PTER: variants seen among roughly 807,000 people sequenced by gnomAD.
PTER encodes the protein N-acetyltaurine hydrolase.
Under a neutral mutation model 29.6 loss-of-function variants are expected in PTER, and 38 were observed. That is an observed-to-expected ratio of 1.28 (90% confidence interval 0.99 to 1.68). The LOEUF (loss-of-function observed/expected upper bound fraction) is 1.68, where lower values mean the gene tolerates loss of function less well. PTER is among the 40% of genes most tolerant of loss of function. PTER has a pLI of 0.00. For missense variants in PTER, 482 were observed against 427.8 expected, an observed-to-expected ratio of 1.13 and a Z score of -1.12; for synonymous variants, 172 against 154.5, an observed-to-expected ratio of 1.11 and a Z score of -0.84.
chr10:16,489,686 A>G (rs1360735523), intron 3 of PTER, among the ~76,000 whole-genome samples: 2 of 152,196 alleles, frequency 1.3e-5, no homozygotes, highest in African/African-American at 4.8e-5. Flanking sequence ...AAACATTTTG[A>G]AATGTACAGT....
At chr10:16,455,469 T>G (rs1834362423) in intron 1 of PTER, among the ~76,000 whole-genome samples, 1 of 152,076 alleles carries the variant, frequency 6.6e-6, no homozygotes, top group South Asian at 2.1e-4. Flanking sequence ...GTCAGGAGGA[T>G]CGTTTGAGCC....
chr10:16,462,277 C>T lies in PTER; in HGVS notation c.-48-22060C>T, dbSNP rs34537006. On this transcript the variant is annotated intron_variant, in intron 1 of 4. Coordinates refer to ENST00000535784, the MANE Select transcript of PTER (RefSeq NM_001261836.2). ...CTGGGATTACAGGTGTGAGCCACCA[C>T]GCCCAGCCTTTTCCTAGGACTTTAT... is the stretch of plus-strand genomic sequence containing the variant. 9.4e-3 allele frequency among the ~76,000 whole-genome samples: 1,433 copies of T among 152,060 alleles called. 10 individuals are homozygous for T. The highest frequency in any genetic ancestry group is 0.024 in the Middle Eastern group (7 of 294).
intron 1 of PTER, among the ~76,000 whole-genome samples, chr10:16,457,072 A>G (rs1834429197): frequency 6.6e-6 from 1 of 152,186 alleles, no homozygotes; most frequent in South Asian, 2.1e-4. Context: ...CTTTATCAGC[A>G]GCATGAAAAC....
intron 3 of PTER, among the ~76,000 whole-genome samples, chr10:16,498,236 C>T (rs1337233042): frequency 1.3e-5 from 2 of 152,084 alleles, no homozygotes; most frequent in East Asian, 1.9e-4. Context: ...TGAAAAATAC[C>T]GACCTTAAAA....
intron 3 of PTER, among the ~76,000 whole-genome samples, chr10:16,499,497 A>G (rs1281349091): frequency 5.3e-5 from 8 of 152,080 alleles, no homozygotes; most frequent in African/African-American, 1.4e-4. Flanking sequence ...GCTGGAGTGC[A>G]GTGGCTTGAT....
chr10:16,478,335 G>GTTTTTTTTT (rs34168657), intron 1 of PTER, among the ~76,000 whole-genome samples: 2 of 140,250 alleles, frequency 1.4e-5, no homozygotes, highest in Non-Finnish European at 1.5e-5. Context: ...CCTCGTTTCC[G>GTTTTTTTTT]TTTTTTTTTT....
chr10:16,485,057 A>T (rs1313208015), intron 2 of PTER, among the ~76,000 whole-genome samples: 2 of 152,168 alleles, frequency 1.3e-5, no homozygotes, highest in African/African-American at 2.4e-5. Flanking sequence ...AAGGAAAGAG[A>T]TCTTAGTGCA....
intron 1 of PTER, among the ~76,000 whole-genome samples, chr10:16,452,989 A>T (rs921550542): frequency 6.6e-6 from 1 of 152,106 alleles, no homozygotes; most frequent in Non-Finnish European, 1.5e-5. Context: ...ACCTCAAGTG[A>T]TCTGCCTGCC....
rs574319076 is a variant in PTER at position 16,502,301 on chromosome 10, T to G, written c.699-2719T>G. Among the ~76,000 whole-genome samples, 2 of 152,328 alleles carry G rather than the reference T, an allele frequency of 1.3e-5. 1 individual carries two copies. The highest frequency in any genetic ancestry group is 4.1e-4 in the South Asian group (2 of 4,824). On this transcript the variant is annotated intron_variant, in intron 3 of 4. Transcript: ENST00000535784. ...TTACCTCTTCCCGCTTACATTACTT[T>G]AATTGTGTATATTTTGTTTTTTTCA...
At chr10:16,494,269 T>A (rs968047886) in intron 3 of PTER, among the ~76,000 whole-genome samples, 4 of 152,242 alleles carry the variant, frequency 2.6e-5, no homozygotes, top group Non-Finnish European at 5.9e-5. Context: ...AGCCAACTTC[T>A]GGGTTTAGTC....
chr10:16,502,516 C>A (rs1427268814), intron 3 of PTER, among the ~76,000 whole-genome samples: 1 of 152,046 alleles, frequency 6.6e-6, no homozygotes, highest in Non-Finnish European at 1.5e-5. Flanking sequence ...GCCTCCCTGC[C>A]TAAAACAACA....
At chr10:16,457,458 C>T (rs1834450459) in intron 1 of PTER, among the ~76,000 whole-genome samples, 1 of 152,146 alleles carries the variant, frequency 6.6e-6, no homozygotes, top group Admixed American at 6.5e-5. Flanking sequence ...CGTGATCCGC[C>T]CGTCTCGGCC....
At chr10:16,462,421 G>A (rs904174188) in intron 1 of PTER, among the ~76,000 whole-genome samples, 6 of 152,052 alleles carry the variant, frequency 3.9e-5, no homozygotes, top group African/African-American at 9.7e-5. Flanking sequence ...TGATGGTGGC[G>A]TTTGTGTTTG....
chr10:16,471,579 A>G (rs1411526693), intron 1 of PTER, among the ~76,000 whole-genome samples: 1 of 152,234 alleles, frequency 6.6e-6, no homozygotes, highest in South Asian at 2.1e-4. Context: ...ATAAATTTTT[A>G]TCGTATTTAA....
chr10:16,459,968 G>A (rs1306594845), intron 1 of PTER, among the ~76,000 whole-genome samples: 2 of 152,036 alleles, frequency 1.3e-5, no homozygotes, highest in African/African-American at 2.4e-5. Context: ...GGCTGATCTC[G>A]AACTCCCGAC....
intron 3 of PTER, among the ~76,000 whole-genome samples, chr10:16,498,856 C>G (rs1052702433): frequency 6.6e-6 from 1 of 152,170 alleles, no homozygotes; most frequent in Non-Finnish European, 1.5e-5. Flanking sequence ...CTTTGGCAGT[C>G]CCTGGAAGCC....
intron 3 of PTER, among the ~76,000 whole-genome samples, chr10:16,486,956 C>A (rs111825876): frequency 3.4e-3 from 523 of 152,232 alleles, no homozygotes; most frequent in Non-Finnish European, 5.3e-3. Flanking sequence ...AAGTAGCTGC[C>A]AATTCCACTT....
rs1282127321 is a variant in PTER, at chr10:16,465,177, G to A, written c.-48-19160G>A. Among the ~76,000 whole-genome samples, 3 of 152,112 alleles carry A rather than the reference G, an allele frequency of 2.0e-5. No homozygotes were observed. The South Asian group carries it at 6.2e-4, about 32-fold the overall frequency. On this transcript the variant is annotated intron_variant, in intron 1 of 4. Transcript: ENST00000535784. ...CAGTACCTCTCTCCTGACATTTACT[G>A]CACTCTGCTTTGTATCGTAAGTATC...
intron 1 of PTER, among the ~76,000 whole-genome samples, chr10:16,469,658 C>A (rs1446683736): frequency 6.6e-6 from 1 of 152,144 alleles, no homozygotes; most frequent in Non-Finnish European, 1.5e-5. Context: ...TGGCTCATAG[C>A]CTCGAGTCCA....
Sources: gnomAD v4.1 joint callset for allele counts (sites outside exome capture counted in the v4.1 genomes callset) on GRCh38, gnomAD v4.1.1 for gene constraint, MANE v1.5 for transcripts, NCBI Gene and HGNC (gene_info 2026-07-23, HGNC 2026-07-21) for gene names.